Variants in RORA observed in about 807,000 individuals in gnomAD.
RORA encodes RAR related orphan receptor A.
Under a neutral mutation model 69.5 loss-of-function variants are expected in RORA, and 7 were observed. The observed-to-expected ratio is 0.10, with a 90% CI of 0.06 to 0.19. The LOEUF is 0.19. Among genes scored for constraint, RORA ranks in the 10% least tolerant of loss-of-function variants. The pLI is 1.00. For missense variants in RORA, 457 were observed against 663.0 expected, an observed-to-expected ratio of 0.69 and a Z score of 3.41; for synonymous variants, 261 against 240.8, an observed-to-expected ratio of 1.08 and a Z score of -0.78.
rs1299473881 is a variant in RORA, at chr15:60,491,824, A to G, written c.*5631T>C. The G allele has an allele frequency of 1.3e-5, 2 of 152,044 alleles. No homozygotes were observed. Among genetic ancestry groups the G allele is most frequent in the Non-Finnish European group, 2.9e-5 (2 of 67,994 alleles). 9.4% of individuals were successfully genotyped at this position (152,044 alleles called of 1,614,324 possible). ...GCAATAGGAAGGTCTCTATAATACA[A>G]TCTGATGGAACCTCTTTACTAACAT... is the stretch of plus-strand genomic sequence containing the variant. On this transcript the variant is annotated 3_prime_UTR_variant, in exon 11 of 11. Transcript: ENST00000335670.
At chr15:60,876,996 T>C (rs567400779) in intron 1 of RORA, among the ~76,000 whole-genome samples, 6 of 152,282 alleles carry the variant, frequency 3.9e-5, no homozygotes, top group Admixed American at 1.3e-4. Context: ...GAAAAATAAC[T>C]AATGGGTACT....
rs1236786731 is a variant in RORA at position 60,489,835 on chromosome 15, C to T, written c.*7620G>A. On this transcript the variant is annotated 3_prime_UTR_variant, in exon 11 of 11. Coordinates refer to ENST00000335670, the MANE Select transcript of RORA (RefSeq NM_134261.3). Reference sequence around the variant, plus strand: ...ACAACTGTGTTAGGTGCCAGTAATACAATTCCTTAATAAGAAAAAAAAGTA... The same window carrying T: ...ACAACTGTGTTAGGTGCCAGTAATATAATTCCTTAATAAGAAAAAAAAGTA... 6.6e-6 allele frequency: 1 copy of T among 152,026 alleles called. No individual in the cohort carries two copies. Among genetic ancestry groups the T allele is most frequent in the East Asian group, 1.9e-4 (1 of 5,194 alleles). The allele number at this position is 152,026 out of a possible 1,614,324, so 9.4% of individuals were successfully genotyped here.
rs1186056442 is a variant in RORA, at chr15:60,534,740, C to T, written c.197-2889G>A. Among the ~76,000 whole-genome samples the T allele has an allele frequency of 6.6e-6, 1 of 152,080 alleles. No individual in the cohort carries two copies. The highest frequency in any genetic ancestry group is 2.4e-5 in the African/African-American group (1 of 41,398). On this transcript the variant is annotated intron_variant, in intron 2 of 10. Coordinates refer to ENST00000335670, the MANE Select transcript of RORA (RefSeq NM_134261.3). This position sits in a 1 kb window ranked among gnomAD's most constrained non-coding sequence, Gnocchi z 5.0. ...ACTTTAGGAAATGACTAAAATCCTCCTACTCCAAAAGCAAACCCTCTGAAT... is the reference window on the plus strand; with the variant it reads ...ACTTTAGGAAATGACTAAAATCCTCTTACTCCAAAAGCAAACCCTCTGAAT...
intron 1 of RORA, among the ~76,000 whole-genome samples, chr15:60,864,857 T>C (rs1423736452): frequency 1.3e-5 from 2 of 152,212 alleles, no homozygotes; most frequent in African/African-American, 4.8e-5. Context: ...AACGGTCTAG[T>C]GAAGCTTTAG....
chr15:60,709,712 G>A (rs2071116908), intron 1 of RORA, among the ~76,000 whole-genome samples: 2 of 151,660 alleles, frequency 1.3e-5, no homozygotes, highest in Admixed American at 6.6e-5. Flanking sequence ...AGGAAAACAA[G>A]CTTAGGGCTC....
In RORA at chr15:60,511,436, T is replaced by C; in HGVS notation, c.610A>G (p.Ile204Val). ...TELHDDLSNYIDGHTPEGSKA... is the reference protein window; with the variant it reads ...TELHDDLSNYVDGHTPEGSKA... ...CTCCCCTCAGGGGTGTGCCCGTCAATGTAGTTACTGAGGTCGTCGTGAAGT... is the reference window on the plus strand; with the variant it reads ...CTCCCCTCAGGGGTGTGCCCGTCAACGTAGTTACTGAGGTCGTCGTGAAGT... The change falls in exon 5 of 11, where the codon ATT (isoleucine) becomes GTT (valine). Residue 204 changes from isoleucine (I) to valine (V), a missense_variant. Around this residue, in one of 3 missense-constraint regions of RORA, gnomAD observed 304 missense variants for 447.4 expected, o/e 0.68. Coordinates refer to ENST00000335670, the MANE Select transcript of RORA (RefSeq NM_134261.3). This position sits in a 1 kb window ranked among gnomAD's most constrained non-coding sequence, Gnocchi z 6.4. 4 of 1,614,170 alleles carry C rather than the reference T, an allele frequency of 2.5e-6. No individual in the cohort carries two copies. The highest frequency in any genetic ancestry group is 3.4e-6 in the Non-Finnish European group (4 of 1,180,024).
intron 2 of RORA, among the ~76,000 whole-genome samples, chr15:60,610,761 C>T (rs984781295): frequency 1.3e-5 from 2 of 151,806 alleles, no homozygotes; most frequent in African/African-American, 2.4e-5. Context: ...CCCCAAAAAC[C>T]AAAAGGATCA....
intron 1 of RORA, among the ~76,000 whole-genome samples, chr15:61,139,087 T>C (rs1202586398): frequency 6.6e-6 from 1 of 150,644 alleles, no homozygotes; most frequent in East Asian, 2.0e-4. Flanking sequence ...GAGCTTGCAG[T>C]GAGCCAAGAT....
chr15:61,144,894 TAA>T (rs1253815084), intron 1 of RORA, among the ~76,000 whole-genome samples: 2 of 152,228 alleles, frequency 1.3e-5, no homozygotes, highest in Non-Finnish European at 2.9e-5. Context: ...TAGGAAACTA[TAA>T]GTTTCGCTGT....
chr15:60,992,853 G>A (rs1320450547), intron 1 of RORA, among the ~76,000 whole-genome samples: 1 of 152,136 alleles, frequency 6.6e-6, no homozygotes, highest in Admixed American at 6.5e-5. Flanking sequence ...TTAAAACACT[G>A]ATACTTAAAA....
At chr15:60,987,040 T>C (rs1894225034) in intron 1 of RORA, among the ~76,000 whole-genome samples, 1 of 152,220 alleles carries the variant, frequency 6.6e-6, no homozygotes, top group South Asian at 2.1e-4. Context: ...TGCCAAACAT[T>C]CCTGGAATAA....
At chr15:61,053,860 T>TATATATATATATATATATATAA (rs1427951896) in intron 1 of RORA, among the ~76,000 whole-genome samples, 2 of 139,468 alleles carry the variant, frequency 1.4e-5, no homozygotes, top group African/African-American at 5.3e-5. Flanking sequence ...TATATATATA[T>TATATATATATATATATATATAA]ATAAACATTC....
chr15:60,531,037 A>G lies in RORA; in HGVS notation c.282+729T>C, dbSNP rs985221608. The G allele has an allele frequency of 6.6e-6, 1 of 152,234 alleles. No homozygotes were observed. The highest frequency in any genetic ancestry group is 2.4e-5 in the African/African-American group (1 of 41,458). 9.4% of individuals were successfully genotyped at this position (152,234 alleles called of 1,614,324 possible). A position where few individuals can be genotyped will look rare whatever the true frequency, so the allele number is the denominator to read the frequency against. On this transcript the variant is annotated intron_variant, in intron 3 of 10. Transcript: ENST00000335670. The surrounding 1 kb of genome is among the most constrained non-coding windows in gnomAD (Gnocchi z 4.8). ...AAACATCTCTGTTTCTCATCTGCAC[A>G]TTATGCATGTGCTGTACACATTGCC...
intron 1 of RORA, among the ~76,000 whole-genome samples, chr15:61,208,906 G>A (rs1567038268): frequency 6.6e-6 from 1 of 152,148 alleles, no homozygotes; most frequent in African/African-American, 2.4e-5. Context: ...TGACCAGAAT[G>A]TTTTTGTGGT....
chr15:61,123,210 G>A (rs1019766627), intron 1 of RORA, among the ~76,000 whole-genome samples: 9 of 152,020 alleles, frequency 5.9e-5, no homozygotes, highest in Non-Finnish European at 1.0e-4. Flanking sequence ...TTCTCAGGGC[G>A]GTGGGTAGGG....
intron 1 of RORA, among the ~76,000 whole-genome samples, chr15:60,875,622 C>G (rs1010157804): frequency 6.6e-6 from 1 of 152,184 alleles, no homozygotes; most frequent in African/African-American, 2.4e-5. Flanking sequence ...TATGGAGAGG[C>G]ACTTCAGGGA....
At chr15:60,858,809 C>T (rs1015672323) in intron 1 of RORA, among the ~76,000 whole-genome samples, 22 of 151,922 alleles carry the variant, frequency 1.4e-4, no homozygotes, top group African/African-American at 5.3e-4. Flanking sequence ...TGGGATTGCT[C>T]GACTTTTCAC....
intron 1 of RORA, among the ~76,000 whole-genome samples, chr15:60,748,589 G>A (rs1368499140): frequency 6.6e-6 from 1 of 152,174 alleles, no homozygotes; most frequent in Non-Finnish European, 1.5e-5. Context: ...CTGACCTTAT[G>A]ACCTTATGAC....
At chr15:60,609,260 G>A (rs950203843) in intron 2 of RORA, among the ~76,000 whole-genome samples, 1 of 152,092 alleles carries the variant, frequency 6.6e-6, no homozygotes, top group Non-Finnish European at 1.5e-5. Context: ...CATTTGCTTG[G>A]TATGAAATAC....
Sources: gnomAD v4.1 joint callset for allele counts (sites outside exome capture counted in the v4.1 genomes callset) on GRCh38, gnomAD v4.1.1 for gene constraint, gnomAD v4.1.1 regional missense constraint, Gnocchi (gnomAD v3.1) non-coding constraint, MANE v1.5 for transcripts, NCBI Gene and HGNC (gene_info 2026-07-23, HGNC 2026-07-21) for gene names.